The following SLIT3 variants were observed in gnomAD, a reference collection of about 807,000 sequenced individuals.
SLIT3 encodes slit homolog 3 protein.
In SLIT3, 68 loss-of-function variants were observed where a neutral mutation model predicts 184.0. That is an observed-to-expected ratio of 0.37 (90% CI 0.30 to 0.45). The LOEUF is 0.45. Among genes scored for constraint, SLIT3 ranks in the 20% least tolerant of loss-of-function variants. SLIT3 has a pLI of 1.00. For missense variants in SLIT3, 1,707 were observed against 2,026.0 expected (o/e 0.84, Z 3.02); for synonymous variants, 831 against 828.6 (o/e 1.00, Z -0.05).
At chr5:169,179,276 CTTTTTTT>C (rs370270230) in intron 4 of SLIT3, among the ~76,000 whole-genome samples, 34 of 125,050 alleles carry the variant, frequency 2.7e-4, no homozygotes, top group African/African-American at 8.2e-4. Flanking sequence ...ATTCCTTTTT[CTTTTTTT>C]TTTTTTTTTT....
intron 4 of SLIT3, among the ~76,000 whole-genome samples, chr5:168,999,194 G>A (rs1205344173): frequency 7.1e-6 from 1 of 141,618 alleles, no homozygotes; most frequent in Admixed American, 7.0e-5. Context: ...GGGATTACAG[G>A]TGAGTCACCC....
intron 3 of SLIT3, among the ~76,000 whole-genome samples, chr5:169,200,752 TCTTA>T (rs1401009420): frequency 6.6e-6 from 1 of 152,226 alleles, no homozygotes; most frequent in Non-Finnish European, 1.5e-5. Context: ...ACTGAAGGCC[TCTTA>T]CTTCCTTGGT....
chr5:168,866,127 T>C (rs1238103764), intron 5 of SLIT3, among the ~76,000 whole-genome samples: 3 of 152,180 alleles, frequency 2.0e-5, no homozygotes, highest in African/African-American at 7.2e-5. Context: ...CCGGGACAGA[T>C]GGCAGCCAGC....
chr5:168,774,191 C>T, intron 13 of SLIT3, 44 bp downstream of exon 13: 1 of 1,560,028 alleles, frequency 6.4e-7, no homozygotes, highest in Non-Finnish European at 8.7e-7. Context: ...TTTGGGGTCT[C>T]CTGCTGCTTG....
At chr5:169,288,568 GGA>G (rs1767236178) in intron 1 of SLIT3, among the ~76,000 whole-genome samples, 1 of 151,990 alleles carries the variant, frequency 6.6e-6, no homozygotes, top group Admixed American at 6.5e-5. Flanking sequence ...TCATTTAGAG[GGA>G]GAGACAGTCC....
At position 169,152,576 on chromosome 5, in the gene SLIT3, T is replaced by A. The variant is rs369658569; in HGVS notation, c.413+40903A>T. 2.0e-5 allele frequency among the ~76,000 whole-genome samples: 3 copies of A among 152,274 alleles called. No individual in the cohort carries two copies. In the East Asian group the frequency reaches 5.8e-4, roughly 29 times the overall value. On this transcript the variant is annotated intron_variant, in intron 4 of 35. Coordinates refer to ENST00000519560, the MANE Select transcript of SLIT3 (RefSeq NM_003062.4). ...GTAATTTTGACCACGTGTACCTTTT[T>A]TGGCTTACAGGTGAGTATATGGGCT...
chr5:168,748,150 G>T, intron 20 of SLIT3, 152 bp downstream of exon 20: 1 of 844,450 alleles, frequency 1.2e-6, no homozygotes, highest in Non-Finnish European at 1.7e-6. Context: ...TCTTGGTGAG[G>T]GCTCCACTGC....
intron 32 of SLIT3, among the ~76,000 whole-genome samples, chr5:168,674,509 T>C (rs1761351722): frequency 6.7e-6 from 1 of 149,808 alleles, no homozygotes; most frequent in South Asian, 2.2e-4. Flanking sequence ...TTTTTTTTTT[T>C]GAGATGGAGT....
At chr5:168,844,896 AT>A (rs34420406) in intron 5 of SLIT3, 48,855 of 230,042 alleles carry the variant, frequency 0.21, 1,581 homozygotes, top group East Asian at 0.27. Context: ...TTAATTGCGC[AT>A]TTTTTTTTTT....
At chr5:169,063,432 C>A (rs1050442383) in intron 4 of SLIT3, among the ~76,000 whole-genome samples, 2 of 152,328 alleles carry the variant, frequency 1.3e-5, no homozygotes, top group Non-Finnish European at 2.9e-5. Context: ...CACATTCCCT[C>A]GATTCTCTTG....
intron 28 of SLIT3, among the ~76,000 whole-genome samples, chr5:168,693,349 G>A (rs1761961640): frequency 6.6e-6 from 1 of 152,208 alleles, no homozygotes; most frequent in Non-Finnish European, 1.5e-5. Flanking sequence ...TTCAGGGAAG[G>A]AAGTATGAAA....
At chr5:169,121,824 AT>A (rs1760883626) in intron 4 of SLIT3, among the ~76,000 whole-genome samples, 1 of 152,206 alleles carries the variant, frequency 6.6e-6, no homozygotes, top group East Asian at 1.9e-4. Context: ...TGACCCAGAG[AT>A]GACAGTATCC....
chr5:168,929,413 C>G (rs572370159), intron 4 of SLIT3, among the ~76,000 whole-genome samples: 13 of 152,168 alleles, frequency 8.5e-5, no homozygotes, highest in South Asian at 2.1e-4. Context: ...TGAGTAGTTG[C>G]TATCATGACC....
intron 4 of SLIT3, among the ~76,000 whole-genome samples, chr5:168,929,143 C>T (rs1480357487): frequency 6.6e-6 from 1 of 152,146 alleles, no homozygotes; most frequent in African/African-American, 2.4e-5. Flanking sequence ...GAAACCAAGG[C>T]TAGTAGAGCT....
At chr5:169,075,941 G>A (rs1758722569) in intron 4 of SLIT3, among the ~76,000 whole-genome samples, 1 of 152,180 alleles carries the variant, frequency 6.6e-6, no homozygotes, top group African/African-American at 2.4e-5. Flanking sequence ...AAGAGTTGGG[G>A]GACAGAATCT....
intron 4 of SLIT3, among the ~76,000 whole-genome samples, chr5:169,171,990 T>C (rs759788905): frequency 2.0e-5 from 3 of 152,232 alleles, no homozygotes; most frequent in South Asian, 2.1e-4. Flanking sequence ...TTAGACAGTG[T>C]AGGCATGGAG....
chr5:168,959,374 C>G (rs975235335), intron 4 of SLIT3, among the ~76,000 whole-genome samples: 3 of 152,126 alleles, frequency 2.0e-5, no homozygotes, highest in African/African-American at 7.2e-5. Flanking sequence ...TGGAGCTCAT[C>G]AGGGGAAAGA....
intron 4 of SLIT3, among the ~76,000 whole-genome samples, chr5:168,964,742 T>C (rs1228898620): frequency 6.6e-6 from 1 of 152,174 alleles, no homozygotes; most frequent in Non-Finnish European, 1.5e-5. Flanking sequence ...TCAAAGAAAT[T>C]GCAGTCAATC....
intron 3 of SLIT3, among the ~76,000 whole-genome samples, chr5:169,197,657 G>T (rs1763780774): frequency 6.6e-6 from 1 of 152,188 alleles, no homozygotes; most frequent in Non-Finnish European, 1.5e-5. Flanking sequence ...TGGAGAACAG[G>T]ACTGAATGGA....
Sources: gnomAD v4.1 joint callset for allele counts (sites outside exome capture counted in the v4.1 genomes callset) on GRCh38, gnomAD v4.1.1 for gene constraint, MANE v1.5 for transcripts, NCBI Gene and HGNC (gene_info 2026-07-23, HGNC 2026-07-21) for gene names.